ARHGEF3: variants seen among roughly 807,000 people sequenced by gnomAD.
ARHGEF3 encodes the protein Rho guanine nucleotide exchange factor 3, also known as 59.8 kDA protein.
Under a neutral mutation model 63.2 loss-of-function variants are expected in ARHGEF3, and 28 were observed. That is an observed-to-expected ratio of 0.44 (90% CI 0.33 to 0.61). The LOEUF is 0.61. Among genes scored for constraint, ARHGEF3 ranks in the 20% least tolerant of loss-of-function variants. The probability of loss-of-function intolerance (pLI) is 0.03; values close to 1 mark genes in which losing one functional copy is unlikely to be tolerated. For synonymous variants in ARHGEF3, 266 were observed against 254.2 expected, an observed-to-expected ratio of 1.05 and a Z score of -0.44; for missense variants, 533 against 659.3, an observed-to-expected ratio of 0.81 and a Z score of 2.10.
chr3:56,859,783 C>T (rs1483491027), intron 4 of ARHGEF3, among the ~76,000 whole-genome samples: 3 of 151,838 alleles, frequency 2.0e-5, no homozygotes, highest in African/African-American at 7.3e-5. Flanking sequence ...AGGGATCTGC[C>T]CACCTCGGTC....
chr3:56,994,326 G>A (rs555076369), intron 2 of ARHGEF3, among the ~76,000 whole-genome samples: 2 of 152,180 alleles, frequency 1.3e-5, no homozygotes, highest in South Asian at 2.1e-4. Context: ...AGGCTGCCAG[G>A]TGCCATTTCT....
At chr3:56,997,722 C>T (rs1166531289) in intron 2 of ARHGEF3, among the ~76,000 whole-genome samples, 4 of 152,078 alleles carry the variant, frequency 2.6e-5, no homozygotes, top group Non-Finnish European at 5.9e-5. Context: ...TAGGAGATGA[C>T]GAAGGGTAAA....
intron 3 of ARHGEF3, among the ~76,000 whole-genome samples, chr3:56,929,484 G>A (rs1432941992): frequency 6.6e-6 from 1 of 152,072 alleles, no homozygotes; most frequent in Non-Finnish European, 1.5e-5. Flanking sequence ...CACATCACCT[G>A]GGGATCTCAA....
At chr3:57,079,072 G>C (rs1002263202) in intron 1 of ARHGEF3, 3 of 316,664 alleles carry the variant, frequency 9.5e-6, no homozygotes, top group South Asian at 3.1e-4. Context: ...GGAGGTGGGA[G>C]TGGGGGTCCA....
chr3:56,839,584 T>C (rs2039241156), intron 4 of ARHGEF3, among the ~76,000 whole-genome samples: 1 of 152,164 alleles, frequency 6.6e-6, no homozygotes, highest in South Asian at 2.1e-4. Context: ...TTTCTGTAAA[T>C]CTAAAATTAT....
chr3:56,778,802 T>TGG (rs892850008), intron 1 of ARHGEF3, among the ~76,000 whole-genome samples: 1 of 152,194 alleles, frequency 6.6e-6, no homozygotes, highest in African/African-American at 2.4e-5. Context: ...CCCAAAGTGC[T>TGG]GGGGATTACA....
intron 2 of ARHGEF3, among the ~76,000 whole-genome samples, chr3:56,757,884 G>A (rs1412594324): frequency 4.0e-5 from 6 of 151,600 alleles, no homozygotes; most frequent in African/African-American, 9.7e-5. Context: ...CACCACGCCC[G>A]GCTAATTTTT....
intron 1 of ARHGEF3, among the ~76,000 whole-genome samples, chr3:56,791,603 G>A (rs2037080151): frequency 6.6e-6 from 1 of 152,052 alleles, no homozygotes; most frequent in Non-Finnish European, 1.5e-5. Flanking sequence ...TAACTTTAAC[G>A]GGGTTCACTT....
rs540569819 is a variant in ARHGEF3 at position 57,037,205 on chromosome 3, T to C, written c.-27-2029A>G. ...ATGTGGATCCCAGAAGAAGAAAAGA[T>C]GGAAGGGTGGTGGGACTTGAGTTCA... On this transcript the variant is annotated intron_variant, in intron 1 of 12. Coordinates refer to the ARHGEF3 transcript ENST00000338458. Among the ~76,000 whole-genome samples the C allele has an allele frequency of 5.3e-5, 8 of 152,186 alleles. 1 individual carries two copies. In the East Asian group the frequency reaches 1.4e-3, roughly 26 times the overall value.
At chr3:57,046,247 G>A (rs1361267123) in intron 1 of ARHGEF3, among the ~76,000 whole-genome samples, 4 of 152,160 alleles carry the variant, frequency 2.6e-5, no homozygotes, top group Non-Finnish European at 4.4e-5. Context: ...TTTCGAGAAC[G>A]AAATAAACTA....
intron 1 of ARHGEF3, among the ~76,000 whole-genome samples, chr3:57,045,308 C>A (rs1560158559): frequency 6.6e-6 from 1 of 152,190 alleles, no homozygotes; most frequent in Non-Finnish European, 1.5e-5. Flanking sequence ...GTCAGCCTGT[C>A]TCTCTCTGGG....
At chr3:56,968,275 TAA>T (rs1700736893) in intron 2 of ARHGEF3, among the ~76,000 whole-genome samples, 8 of 49,348 alleles carry the variant, frequency 1.6e-4, no homozygotes, top group Non-Finnish European at 3.2e-4. Flanking sequence ...ATATAATATA[TAA>T]AATATATATA....
chr3:56,804,164 T>A (rs2037782619), upstream of ARHGEF3, among the ~76,000 whole-genome samples: 1 of 152,150 alleles, frequency 6.6e-6, no homozygotes, highest in South Asian at 2.1e-4. Context: ...GGATTACAGG[T>A]GTAAGCCACC....
At chr3:57,032,001 G>T (rs1703754294) in intron 2 of ARHGEF3, among the ~76,000 whole-genome samples, 1 of 152,138 alleles carries the variant, frequency 6.6e-6, no homozygotes, top group African/African-American at 2.4e-5. Flanking sequence ...GCTGAGAAAG[G>T]CATTTGAAAT....
At chr3:56,974,361 A>G (rs1701040315) in intron 2 of ARHGEF3, among the ~76,000 whole-genome samples, 1 of 152,106 alleles carries the variant, frequency 6.6e-6, no homozygotes, top group African/African-American at 2.4e-5. Flanking sequence ...AATTAATACT[A>G]CTTGGTATTT....
chr3:57,027,845 C>T (rs1014415737), intron 2 of ARHGEF3, among the ~76,000 whole-genome samples: 5 of 151,916 alleles, frequency 3.3e-5, no homozygotes, highest in African/African-American at 9.7e-5. Flanking sequence ...GGCAACAGAG[C>T]GAGACTCTGT....
At chr3:56,834,191 C>T (rs889081074) in intron 4 of ARHGEF3, among the ~76,000 whole-genome samples, 2 of 152,120 alleles carry the variant, frequency 1.3e-5, no homozygotes, top group Admixed American at 6.5e-5. Context: ...GCGTAAGCCA[C>T]CACGCCTGGC....
In ARHGEF3 at chr3:56,728,960, GTTTTGAGATTCTTTTTCTATT is replaced by G; in HGVS notation, c.*289_*309del. 3.6e-6 allele frequency: 1 copy of G among 275,006 alleles called. No homozygotes were observed. The highest frequency in any genetic ancestry group is 6.8e-6 in the Non-Finnish European group (1 of 146,180). The allele number at this position is 275,006 out of a possible 1,614,324, so 17.0% of individuals were successfully genotyped here. On this transcript the variant is annotated 3_prime_UTR_variant, in exon 10 of 10. Transcript: ENST00000296315. ...TTCAAACAATCTATGTAAAACAGTA[GTTTTGAGATTCTTTTTCTATT>G]TTTTTAAAATCCAGCAGGACAACTG...
intron 2 of ARHGEF3, among the ~76,000 whole-genome samples, chr3:56,965,900 G>A (rs761801590): frequency 1.1e-4 from 16 of 151,800 alleles, no homozygotes; most frequent in African/African-American, 2.7e-4. Context: ...CACCTGGCTC[G>A]GCCTCCCAAA....
Sources: allele counts gnomAD v4.1 joint callset (sites outside exome capture counted in the v4.1 genomes callset), GRCh38; gene constraint gnomAD v4.1.1; transcripts MANE v1.5; gene names NCBI Gene and HGNC (gene_info 2026-07-23, HGNC 2026-07-21).